The following SFSWAP variants were observed in gnomAD, a reference collection of about 807,000 sequenced individuals.
SFSWAP encodes splicing factor SWAP.
Under a neutral mutation model 100.7 loss-of-function variants are expected in SFSWAP, and 17 were observed. The ratio of observed to expected loss-of-function variants is 0.17; its 90% CI spans 0.12 to 0.25. The LOEUF is 0.25. Ranked by LOEUF, SFSWAP falls within the 10% of genes least tolerant of loss-of-function variation. The probability of loss-of-function intolerance (pLI) is 1.00; values close to 1 mark genes in which losing one functional copy is unlikely to be tolerated. For missense variants in SFSWAP, 1,005 were observed against 1,262.6 expected, an observed-to-expected ratio of 0.80 and a Z score of 3.09; for synonymous variants, 504 against 510.1, an observed-to-expected ratio of 0.99 and a Z score of 0.16.
rs1183546241 is a variant in SFSWAP, at chr12:131,756,704, T to A, written c.1720+60T>A. 4 of 1,441,470 alleles carry A rather than the reference T, an allele frequency of 2.8e-6. No individual in the cohort carries two copies. The African/African-American group carries it at 5.7e-5, about 21-fold the overall frequency. 89.3% of individuals were successfully genotyped at this position (1,441,470 alleles called of 1,614,324 possible). On this transcript the variant is annotated intron_variant, in intron 11 of 17. Coordinates refer to ENST00000261674, the MANE Select transcript of SFSWAP (RefSeq NM_004592.4). ...CCACCATAAGTTGGCAAGCGTAGGA[T>A]CCTCGGTGACCTCAGACTCAGCGCC...
rs1322053946 is a variant in SFSWAP at position 131,778,631 on chromosome 12, C to T, written c.2408+301C>T. The stretch of plus-strand genomic sequence containing the variant: ...TTCCCAGGTTCAAGTGATTCTCCTG[C>T]CTCAGCCTCCTGAGTAGCTGGGATT... On this transcript the variant is annotated intron_variant, in intron 14 of 17. Transcript: ENST00000261674. The surrounding 1 kb of genome is among the most constrained non-coding windows in gnomAD (Gnocchi z 4.2). Among the ~76,000 whole-genome samples, 2 of 152,164 alleles carry T rather than the reference C, an allele frequency of 1.3e-5. No homozygotes were observed. The highest frequency in any genetic ancestry group is 2.9e-5 in the Non-Finnish European group (2 of 68,024).
chr12:131,765,316 C>G (rs980317780), intron 12 of SFSWAP, among the ~76,000 whole-genome samples: 9 of 152,202 alleles, frequency 5.9e-5, no homozygotes, highest in African/African-American at 1.7e-4. Flanking sequence ...AATTGCTTTT[C>G]CTGTATACAC....
intron 4 of SFSWAP, among the ~76,000 whole-genome samples, chr12:131,720,652 A>C (rs542360246): frequency 1.5e-4 from 23 of 152,306 alleles, no homozygotes; most frequent in African/African-American, 5.5e-4. Flanking sequence ...CTCACCTCCC[A>C]CTGCGATCAC....
rs1031441009 is a variant in SFSWAP, at chr12:131,725,773, C to T, written c.832+143C>T. On this transcript the variant is annotated intron_variant, in intron 5 of 17. Coordinates refer to ENST00000261674, the MANE Select transcript of SFSWAP (RefSeq NM_004592.4). The surrounding 1 kb of genome is among the most constrained non-coding windows in gnomAD (Gnocchi z 4.3). ...CCAGACTCGAATTTCTAGAATGTGT[C>T]TGAAATCCTGCAGCTAAGGCGTGAT... is the stretch of plus-strand genomic sequence containing the variant. 9 of 654,922 alleles carry T rather than the reference C, an allele frequency of 1.4e-5. No individual in the cohort carries two copies. Among genetic ancestry groups the T allele is most frequent in the Non-Finnish European group, 2.2e-5 (8 of 369,202 alleles). The allele number at this position is 654,922 out of a possible 1,614,324, so 40.6% of individuals were successfully genotyped here. A position where few individuals can be genotyped will look rare whatever the true frequency, so the allele number is the denominator to read the frequency against.
chr12:131,798,363 AG>A (rs1176388515), intron 16 of SFSWAP, among the ~76,000 whole-genome samples: 2 of 151,898 alleles, frequency 1.3e-5, no homozygotes, highest in South Asian at 2.1e-4. Flanking sequence ...CGCTGCGGGG[AG>A]GGGGTGTTGG....
intron 15 of SFSWAP, among the ~76,000 whole-genome samples, chr12:131,787,680 A>G (rs7961002): frequency 1 from 151,426 of 152,180 alleles, 75,343 homozygotes; most frequent in East Asian, 1. Flanking sequence ...CATTGCCAGG[A>G]TCACCCACAC....
intron 10 of SFSWAP, among the ~76,000 whole-genome samples, chr12:131,755,738 T>C (rs1882096356): frequency 6.6e-6 from 1 of 152,252 alleles, no homozygotes; most frequent in African/African-American, 2.4e-5. Flanking sequence ...AAAATCCTGT[T>C]CCTTCAACTG....
chr12:131,783,792 T>TTTTATATATATATATATATA (rs1312028614), intron 14 of SFSWAP: 7 of 86,682 alleles, frequency 8.1e-5, no homozygotes, highest in East Asian at 5.7e-4. Flanking sequence ...AAAAAACATT[T>TTTTATATATATATATATATA]TATATATATA....
chr12:131,741,915 G>A (rs1880680930), intron 7 of SFSWAP, among the ~76,000 whole-genome samples: 1 of 152,052 alleles, frequency 6.6e-6, no homozygotes, highest in South Asian at 2.1e-4. Context: ...CGTGTGCAGG[G>A]TCTCATGCCG....
At chr12:131,743,643 C>G (rs1436396830) in intron 7 of SFSWAP, among the ~76,000 whole-genome samples, 1 of 152,250 alleles carries the variant, frequency 6.6e-6, no homozygotes, top group Non-Finnish European at 1.5e-5. Context: ...GAGCACGGTG[C>G]AAGCTGTTGG....
intron 15 of SFSWAP, among the ~76,000 whole-genome samples, chr12:131,787,352 G>A (rs1884967787): frequency 6.6e-6 from 1 of 152,206 alleles, no homozygotes; most frequent in African/African-American, 2.4e-5. Flanking sequence ...CCGCCAGTGA[G>A]CACTACCCTC....
intron 12 of SFSWAP, among the ~76,000 whole-genome samples, chr12:131,764,918 G>A (rs73160784): frequency 2.0e-5 from 3 of 152,344 alleles, no homozygotes; most frequent in Non-Finnish European, 2.9e-5. Flanking sequence ...TGTTTTCGAA[G>A]AAACTGAGTT....
chr12:131,779,901 C>T (rs1884362779), intron 14 of SFSWAP, among the ~76,000 whole-genome samples: 1 of 152,234 alleles, frequency 6.6e-6, no homozygotes, highest in Admixed American at 6.5e-5. Flanking sequence ...ATTCTTCTGC[C>T]TCAGCCTCCC....
rs1879180682 is a variant in SFSWAP, at chr12:131,728,305, G to T, written c.958G>T (p.Val320Leu). 6.2e-7 allele frequency: 1 copy of T among 1,614,096 alleles called. No individual in the cohort carries two copies. Among genetic ancestry groups the T allele is most frequent in the African/African-American group, 1.3e-5 (1 of 74,928 alleles). Reference sequence around the variant, plus strand: ...TCTCTGTTTCCAGCCCTTGAAGGTAGTGGACCCAGATCATCCCCTCGCAGC... The same window carrying T: ...TCTCTGTTTCCAGCCCTTGAAGGTATTGGACCCAGATCATCCCCTCGCAGC... The part of the protein sequence containing the change: ...LEELMKPLKV[V>L]DPDHPLAALV... Residue 320 changes from valine (V) to leucine (L), a missense_variant, in exon 7 of 18, where the codon GTG becomes TTG. Transcript: ENST00000261674.
At chr12:131,716,239 A>G (rs893324066) in intron 3 of SFSWAP, among the ~76,000 whole-genome samples, 3 of 152,190 alleles carry the variant, frequency 2.0e-5, no homozygotes, top group African/African-American at 4.8e-5. Context: ...GCACAGCTCT[A>G]TTTTATGAGC....
At chr12:131,723,449 G>A (rs561156309) in intron 4 of SFSWAP, 1 of 152,222 alleles carries the variant, frequency 6.6e-6, no homozygotes, top group Non-Finnish European at 1.5e-5. Flanking sequence ...CCACCCACAA[G>A]AGTTTGAAAA....
At chr12:131,787,803 G>C (rs1412463347) in intron 15 of SFSWAP, among the ~76,000 whole-genome samples, 5 of 152,134 alleles carry the variant, frequency 3.3e-5, no homozygotes, top group African/African-American at 4.8e-5. Flanking sequence ...CAGCACCCTG[G>C]GCAAGAAGAC....
intron 14 of SFSWAP, chr12:131,785,466 A>G (rs181786191): frequency 9.4e-6 from 4 of 423,850 alleles, no homozygotes; most frequent in African/African-American, 4.0e-5. Context: ...GCTCTTCTTT[A>G]TATTGTTTTT....
intron 14 of SFSWAP, among the ~76,000 whole-genome samples, chr12:131,782,565 T>G (rs1156403666): frequency 6.6e-6 from 1 of 152,230 alleles, no homozygotes; most frequent in Non-Finnish European, 1.5e-5. Flanking sequence ...CAGCCCACAG[T>G]AGAATACCGC....
Sources: allele counts gnomAD v4.1 joint callset (sites outside exome capture counted in the v4.1 genomes callset), GRCh38; gene constraint gnomAD v4.1.1; non-coding constraint Gnocchi (gnomAD v3.1); transcripts MANE v1.5; gene names NCBI Gene and HGNC (gene_info 2026-07-23, HGNC 2026-07-21).